The following ZMYM2 variants were observed in gnomAD, a reference collection of about 807,000 sequenced individuals.
ZMYM2 encodes zinc finger MYM-type protein 2.
In ZMYM2, 56 loss-of-function variants were observed where a neutral mutation model predicts 162.8. That is an observed-to-expected ratio of 0.34 (90% CI 0.28 to 0.43). ZMYM2 has a LOEUF of 0.43. Ranked by LOEUF, ZMYM2 falls within the 20% of genes least tolerant of loss-of-function variation. The pLI, the probability that ZMYM2 is intolerant of heterozygous loss-of-function variation, is 1.00. For missense variants in ZMYM2, 1,275 were observed against 1,621.8 expected (o/e 0.79, Z 3.67); for synonymous variants, 510 against 541.6 (o/e 0.94, Z 0.81).
intron 2 of ZMYM2, among the ~76,000 whole-genome samples, chr13:19,974,824 T>C (rs996075845): frequency 3.9e-5 from 6 of 152,140 alleles, no homozygotes; most frequent in African/African-American, 1.4e-4. Context: ...AAAAGTGGAA[T>C]TGCTTGGTCA....
intron 21 of ZMYM2, among the ~76,000 whole-genome samples, chr13:20,074,026 C>T (rs2140959722): frequency 6.6e-6 from 1 of 152,302 alleles, no homozygotes; most frequent in East Asian, 1.9e-4. Context: ...CCATTTCCTT[C>T]TCTACTGAGC....
the ZMYM2 span, among the ~76,000 whole-genome samples, chr13:19,896,387 G>A: frequency 1.3e-5 from 2 of 150,652 alleles, no homozygotes; most frequent in African/African-American, 2.4e-5. Context: ...CAGGTGATCC[G>A]CCCGCCTCAG....
upstream of ZMYM2, among the ~76,000 whole-genome samples, chr13:19,954,362 C>T (rs537814453): frequency 2.4e-4 from 36 of 151,696 alleles, 1 homozygote; most frequent in South Asian, 1.5e-3. Context: ...GTGATCCGCC[C>T]GCCTCGGCCT....
At chr13:19,867,198 CA>C in the ZMYM2 span, among the ~76,000 whole-genome samples, 1 of 151,806 alleles carries the variant, frequency 6.6e-6, no homozygotes, top group African/African-American at 2.4e-5. Flanking sequence ...GCTAAAAATA[CA>C]AAAATTAGCC....
At chr13:19,934,767 C>CTTTTTTTT in the ZMYM2 span, among the ~76,000 whole-genome samples, 1 of 147,350 alleles carries the variant, frequency 6.8e-6, no homozygotes, top group African/African-American at 2.6e-5. Flanking sequence ...TTCTTTCTTT[C>CTTTTTTTT]TTTCTTTTTT....
chr13:20,059,553 T>G lies in ZMYM2; in HGVS notation c.2730T>G (p.Val910=). The change falls in exon 16 of 25, where the codon GTT becomes GTG. Residue 910 remains valine (V), a synonymous_variant. Transcript: ENST00000610343. ...AGAATATTCCTGTTCCTACTACAGT[T>G]CCTGTTCCTGTAAGTCACATTTTAA... ...YSQNIPVPTT[V]PVPVPVPVFL... is the part of the protein sequence containing the mutation. The G allele has an allele frequency of 2.5e-6, 3 of 1,209,652 alleles. No homozygotes were observed. Among genetic ancestry groups the G allele is most frequent in the Non-Finnish European group, 3.7e-6 (3 of 811,298 alleles). The allele number at this position is 1,209,652 out of a possible 1,614,324, so 74.9% of individuals were successfully genotyped here. A position where few individuals can be genotyped will look rare whatever the true frequency, so the allele number is the denominator to read the frequency against.
chr13:19,939,436 A>G, the ZMYM2 span, among the ~76,000 whole-genome samples: 1 of 152,168 alleles, frequency 6.6e-6, no homozygotes, highest in Admixed American at 6.5e-5. Flanking sequence ...ATGTTGAATA[A>G]TAGGCCATAG....
the ZMYM2 span, among the ~76,000 whole-genome samples, chr13:19,913,784 A>G: frequency 6.6e-6 from 1 of 152,158 alleles, no homozygotes; most frequent in Non-Finnish European, 1.5e-5. Flanking sequence ...ACAAACAAAA[A>G]CACCAAGTAA....
chr13:19,993,812 CT>C lies in ZMYM2; in HGVS notation c.743del (p.Leu248Ter). On this transcript the variant is annotated frameshift_variant, in exon 3 of 25. Coordinates refer to ENST00000610343, the MANE Select transcript of ZMYM2 (RefSeq NM_197968.4). LOFTEE classifies it high-confidence loss of function. ...FGVNIQTYTP[S>X]LTSQTKTGVG... ...GTTAATATACAAACATACACCCCAT[CT>C]TTAACTTCACAGACCAAGACTGGAG... 1 of 1,614,172 alleles carries C rather than the reference CT, an allele frequency of 6.2e-7. No individual in the cohort carries two copies.
the ZMYM2 span, among the ~76,000 whole-genome samples, chr13:19,882,947 T>C: frequency 1.2e-4 from 19 of 152,146 alleles, no homozygotes; most frequent in Non-Finnish European, 2.2e-4. Flanking sequence ...TAAATACTTA[T>C]ACATCAATTT....
chr13:19,882,003 T>A, the ZMYM2 span, among the ~76,000 whole-genome samples: 40 of 139,900 alleles, frequency 2.9e-4, no homozygotes, highest in South Asian at 7.5e-4. Flanking sequence ...AAAAAAAAAA[T>A]TTGTATATTT....
At chr13:19,977,105 A>G (rs1395446117) in intron 2 of ZMYM2, among the ~76,000 whole-genome samples, 1 of 152,182 alleles carries the variant, frequency 6.6e-6, no homozygotes, top group Non-Finnish European at 1.5e-5. Context: ...TCATTTGGTT[A>G]ATATTTGCAT....
chr13:20,039,698 G>A (rs968649006), intron 12 of ZMYM2, among the ~76,000 whole-genome samples: 1 of 152,042 alleles, frequency 6.6e-6, no homozygotes, highest in African/African-American at 2.4e-5. Context: ...GGATGGTCTC[G>A]ATTCCCTGAT....
the ZMYM2 span, among the ~76,000 whole-genome samples, chr13:19,938,622 G>A: frequency 2.6e-5 from 4 of 152,064 alleles, no homozygotes; most frequent in Admixed American, 6.5e-5. Flanking sequence ...TCCTGTACTA[G>A]GCTCTGATAG....
chr13:20,085,373 T>G (rs570318195), intron 24 of ZMYM2, among the ~76,000 whole-genome samples: 1 of 152,364 alleles, frequency 6.6e-6, no homozygotes, highest in East Asian at 1.9e-4. Context: ...ATCTCACTAT[T>G]ACCTTGTTGG....
rs1368540192 is a variant in ZMYM2, at chr13:19,993,194, C to T, written c.122C>T (p.Pro41Leu). Residue 41 changes from proline (P) to leucine (L), a missense_variant, in exon 3 of 25, where the codon CCT becomes CTT. Pro to Leu is a moderately conservative substitution (Grantham distance 98). Coordinates refer to ENST00000610343, the MANE Select transcript of ZMYM2 (RefSeq NM_197968.4). ...AACTCATTTAGTGGTCCAGCTAATC[C>T]TTTAGTGTCTAGATCTAATAAGTTT... ...VGNSFSGPAN[P>L]LVSRSNKFQN... 6.2e-7 allele frequency: 1 copy of T among 1,614,030 alleles called. No individual in the cohort carries two copies. The highest frequency in any genetic ancestry group is 8.5e-7 in the Non-Finnish European group (1 of 1,179,966).
chr13:19,967,933 G>A (rs1027890576), intron 2 of ZMYM2, among the ~76,000 whole-genome samples: 1 of 152,052 alleles, frequency 6.6e-6, no homozygotes, highest in Non-Finnish European at 1.5e-5. Flanking sequence ...TCTCTTCACC[G>A]ACTTCCCTCT....
chr13:19,953,578 G>A, the ZMYM2 span, among the ~76,000 whole-genome samples: 334 of 150,822 alleles, frequency 2.2e-3, 3 homozygotes, highest in Non-Finnish European at 3.9e-3. Context: ...CAGCTACTCA[G>A]GAGGCTGAGG....
the ZMYM2 span, among the ~76,000 whole-genome samples, chr13:19,899,816 CAAAAAA>C: frequency 1.4e-4 from 9 of 64,988 alleles, no homozygotes; most frequent in East Asian, 8.7e-4. Flanking sequence ...GACTCTGACT[CAAAAAA>C]AAAAAAAAAA....
Sources: allele counts gnomAD v4.1 joint callset (sites outside exome capture counted in the v4.1 genomes callset), GRCh38; gene constraint gnomAD v4.1.1; transcripts MANE v1.5; gene names NCBI Gene and HGNC (gene_info 2026-07-23, HGNC 2026-07-21).